DAB1: variants seen among roughly 807,000 people sequenced by gnomAD.
DAB1 encodes disabled homolog 1.
DAB1 carries 15 observed loss-of-function variants against 64.6 expected under a neutral mutation model. That is an observed-to-expected ratio of 0.23 (90% CI 0.16 to 0.36). DAB1 has a LOEUF of 0.36. Ranked by LOEUF, DAB1 falls within the 10% of genes least tolerant of loss-of-function variation. The pLI is 1.00. For synonymous variants in DAB1, 235 were observed against 251.9 expected (o/e 0.93, Z 0.64); for missense variants, 596 against 706.7 (o/e 0.84, Z 1.78).
intron 6 of DAB1, among the ~76,000 whole-genome samples, chr1:57,758,573 G>C (rs1182561718): frequency 6.6e-6 from 1 of 152,170 alleles, no homozygotes; most frequent in Non-Finnish European, 1.5e-5. Context: ...GATTGGAGGA[G>C]GGAGGGAGCA....
intron 6 of DAB1, among the ~76,000 whole-genome samples, chr1:57,771,202 T>C (rs1188109369): frequency 6.6e-6 from 1 of 152,148 alleles, no homozygotes; most frequent in Non-Finnish European, 1.5e-5. Context: ...GGCAGACTGA[T>C]TGGCACTGAT....
intron 3 of DAB1, among the ~76,000 whole-genome samples, chr1:58,356,210 G>T (rs1195574381): frequency 6.6e-6 from 1 of 151,940 alleles, no homozygotes; most frequent in Non-Finnish European, 1.5e-5. Context: ...GGTTCTAGTT[G>T]CCAACCCTGG....
At chr1:57,798,221 C>A (rs916026939) in intron 6 of DAB1, among the ~76,000 whole-genome samples, 2 of 152,130 alleles carry the variant, frequency 1.3e-5, no homozygotes, top group African/African-American at 4.8e-5. Context: ...GAGTGGAAGG[C>A]CAATGATGTA....
Position 57,542,956 on chromosome 1 carries a change from T to C in DAB1, n.625+106636A>G, listed in dbSNP as rs570195429. Among the ~76,000 whole-genome samples the C allele has an allele frequency of 2.6e-5, 4 of 152,298 alleles. No individual in the cohort carries two copies. The South Asian group carries it at 8.3e-4, about 32-fold the overall frequency. Reference sequence around the variant, plus strand: ...TGGGGGGAAGCCAGCTGCCATGTTCTTGAGCAGTCTATGGAGAGGTTACTG... The same window carrying C: ...TGGGGGGAAGCCAGCTGCCATGTTCCTGAGCAGTCTATGGAGAGGTTACTG... On this transcript the variant is annotated intron_variant and non_coding_transcript_variant, in intron 7 of 20. Transcript: ENST00000485760.
At chr1:58,381,081 G>T (rs1644384395) in intron 3 of DAB1, among the ~76,000 whole-genome samples, 1 of 152,090 alleles carries the variant, frequency 6.6e-6, no homozygotes, top group African/African-American at 2.4e-5. Context: ...ACTTATAATT[G>T]GGAACTAAAT....
chr1:57,647,483 C>T lies in DAB1; in HGVS notation n.625+2109G>A, dbSNP rs145176742. Among the ~76,000 whole-genome samples the T allele has an allele frequency of 4.2e-3, 636 of 152,214 alleles. 6 individuals carry two copies. The highest frequency in any genetic ancestry group is 0.012 in the African/African-American group (509 of 41,538). On this transcript the variant is annotated intron_variant and non_coding_transcript_variant, in intron 7 of 20. Transcript: ENST00000485760. ...CTTTTTCCCCAAACCATGTAAATAA[C>T]GTCCCCCTAGAGAAGTCTTCAGGTC...
chr1:57,373,935 G>A (rs1462613916), intron 1 of DAB1, among the ~76,000 whole-genome samples: 1 of 152,132 alleles, frequency 6.6e-6, no homozygotes, highest in Non-Finnish European at 1.5e-5. Flanking sequence ...CCTTATTTCA[G>A]ACTCCTCCAG....
intron 4 of DAB1, among the ~76,000 whole-genome samples, chr1:58,194,274 T>G (rs1657549016): frequency 6.6e-6 from 1 of 152,256 alleles, no homozygotes; most frequent in Non-Finnish European, 1.5e-5. Flanking sequence ...ACCTATGTGA[T>G]ATTTGCTATT....
chr1:58,488,179 A>T (rs972755060), intron 3 of DAB1, among the ~76,000 whole-genome samples: 5 of 152,148 alleles, frequency 3.3e-5, no homozygotes, highest in African/African-American at 1.2e-4. Context: ...ATTGATTACA[A>T]GCCATCCTCT....
At chr1:57,060,667 G>A (rs978873317) in intron 9 of DAB1, among the ~76,000 whole-genome samples, 12 of 152,102 alleles carry the variant, frequency 7.9e-5, no homozygotes, top group African/African-American at 2.9e-4. Flanking sequence ...AGAACACAAA[G>A]CTTGAAGTAA....
chr1:58,185,066 C>G (rs752164779), intron 4 of DAB1, among the ~76,000 whole-genome samples: 8 of 152,138 alleles, frequency 5.3e-5, no homozygotes, highest in African/African-American at 1.2e-4. Flanking sequence ...ATCCCACATT[C>G]TGCAAAACAA....
At position 56,995,883 on chromosome 1, in the gene DAB1, T is replaced by C. The variant is rs896703138; in HGVS notation, c.*2261A>G. 6 of 152,194 alleles carry C rather than the reference T, an allele frequency of 3.9e-5. No homozygotes were observed. Among genetic ancestry groups the C allele is most frequent in the African/African-American group, 1.4e-4 (6 of 41,434 alleles). 9.4% of individuals were successfully genotyped at this position (152,194 alleles called of 1,614,324 possible). ...CCGTTCATGTGAAAGGGTTACCTAA[T>C]CATAAAATGTTTGCTCATTTCTCAA... On this transcript the variant is annotated 3_prime_UTR_variant, in exon 15 of 15. Coordinates refer to ENST00000371236, the MANE Select transcript of DAB1 (RefSeq NM_001365792.1).
At chr1:58,292,032 G>T (rs1661854680) in intron 4 of DAB1, among the ~76,000 whole-genome samples, 1 of 152,178 alleles carries the variant, frequency 6.6e-6, no homozygotes, top group Admixed American at 6.6e-5. Flanking sequence ...CAGAACAAAA[G>T]GCAGAGGAAG....
At chr1:58,501,493 A>T (rs1036435427) in intron 3 of DAB1, among the ~76,000 whole-genome samples, 9 of 152,208 alleles carry the variant, frequency 5.9e-5, no homozygotes, top group African/African-American at 2.2e-4. Flanking sequence ...TACAGGGGCG[A>T]TAAGGCCCAC....
intron 5 of DAB1, among the ~76,000 whole-genome samples, chr1:58,122,585 G>A (rs1013455750): frequency 6.1e-5 from 9 of 146,668 alleles, no homozygotes; most frequent in African/African-American, 2.0e-4. Flanking sequence ...CTCACAACTG[G>A]GTTATTTGTT....
At chr1:57,830,744 C>A (rs1652548975) in intron 1 of DAB1, among the ~76,000 whole-genome samples, 1 of 152,088 alleles carries the variant, frequency 6.6e-6, no homozygotes, top group South Asian at 2.1e-4. Flanking sequence ...TTTACTATAC[C>A]TAGACTGTTT....
chr1:57,103,760 A>G (rs1369282778), intron 4 of DAB1, among the ~76,000 whole-genome samples: 1 of 152,198 alleles, frequency 6.6e-6, no homozygotes, highest in East Asian at 1.9e-4. Flanking sequence ...TGCTCCATGT[A>G]TATTTTAAAA....
At chr1:57,157,667 T>C (rs965876782) in intron 2 of DAB1, among the ~76,000 whole-genome samples, 2 of 152,192 alleles carry the variant, frequency 1.3e-5, no homozygotes, top group African/African-American at 2.4e-5. Context: ...ACTTTCATGA[T>C]GTCATCTAAA....
chr1:57,151,080 A>G (rs1659625350), intron 2 of DAB1, among the ~76,000 whole-genome samples: 1 of 152,178 alleles, frequency 6.6e-6, no homozygotes, highest in Non-Finnish European at 1.5e-5. Context: ...TGCAAAACAC[A>G]GTACTAGAGG....
Sources: allele counts gnomAD v4.1 joint callset (sites outside exome capture counted in the v4.1 genomes callset), GRCh38; gene constraint gnomAD v4.1.1; transcripts MANE v1.5; gene names NCBI Gene and HGNC (gene_info 2026-07-23, HGNC 2026-07-21).